Variants in NXPE3 observed in about 807,000 individuals in gnomAD.
NXPE3 encodes the protein NXPE family member 3.
Under a neutral mutation model 46.1 loss-of-function variants are expected in NXPE3, and 26 were observed. The ratio of observed to expected loss-of-function variants is 0.56; its 90% CI spans 0.41 to 0.78. The LOEUF is 0.78. Among genes scored for constraint, NXPE3 ranks in the 30% least tolerant of loss-of-function variants. NXPE3 has a pLI of 0.00. For missense variants in NXPE3, 620 were observed against 686.0 expected (o/e 0.90, Z 1.07); for synonymous variants, 272 against 257.9 (o/e 1.05, Z -0.52).
intron 6 of NXPE3, 142 bp downstream of exon 6, chr3:101,807,268 T>TA (rs1354476446): frequency 2.5e-5 from 16 of 629,084 alleles, no homozygotes; most frequent in Non-Finnish European, 3.7e-5. Flanking sequence ...ACTGTTTGAT[T>TA]AAAAAAATCA....
intron 5 of NXPE3, among the ~76,000 whole-genome samples, chr3:101,804,396 A>G (rs750487150): frequency 6.6e-6 from 1 of 152,220 alleles, no homozygotes; most frequent in Non-Finnish European, 1.5e-5. Context: ...TTGATGGTAC[A>G]TTGTTGTAGA....
Position 101,801,495 on chromosome 3 carries a change from G to A in NXPE3, c.354G>A (p.Lys118=), listed in dbSNP as rs751393607. The A allele has an allele frequency of 1.2e-6, 2 of 1,614,160 alleles. No individual in the cohort carries two copies. The highest frequency in any genetic ancestry group is 2.2e-5 in the East Asian group (1 of 44,876). The change falls in exon 5 of 8, where the codon AAG becomes AAA. Residue 118 remains lysine (K), a synonymous_variant. Coordinates refer to ENST00000273347, the MANE Select transcript of NXPE3 (RefSeq NM_145037.4). ...TCTTGAACTCTGCTGCCTTCTTTAA[G>A]GTGGGAAGCCAGCTTGAGGTGCTGG... The part of the protein sequence containing the change: ...FVILNSAAFF[K]VGSQLEVLVH...
rs1426408843 is a variant in NXPE3, at chr3:101,801,555, G to A, written c.414G>A (p.Lys138=). ...HVQDFQRKPK[K]YGGDYLQARI... ...AGGATTTTCAAAGAAAGCCCAAGAA[G>A]TATGGTGGAGACTACCTGCAGGCCA... Residue 138 remains lysine (K), a synonymous_variant, in exon 5 of 8, where the codon AAG becomes AAA. Coordinates refer to ENST00000273347, the MANE Select transcript of NXPE3 (RefSeq NM_145037.4). The A allele has an allele frequency of 1.2e-6, 2 of 1,614,236 alleles. No homozygotes were observed. The highest frequency in any genetic ancestry group is 1.7e-6 in the Non-Finnish European group (2 of 1,180,048).
Position 101,801,604 on chromosome 3 carries a change from G to A in NXPE3, c.463G>A (p.Ala155Thr), listed in dbSNP as rs1179748822. The change falls in exon 5 of 8, where the codon GCT (alanine) becomes ACT (threonine). Residue 155 changes from alanine to threonine, a missense_variant. Physicochemically the swap from Ala to Thr is moderately conservative, Grantham distance 58 (BLOSUM62 0). Around this residue, in one of 3 missense-constraint regions of NXPE3, gnomAD observed 511 missense variants for 528.6 expected, o/e 0.97. Coordinates refer to ENST00000273347, the MANE Select transcript of NXPE3 (RefSeq NM_145037.4). ...QARIHSLKLQ[A>T]GAVGRVVDYQ... ...CAGAATTCACTCCCTCAAGCTGCAG[G>A]CTGGGGCTGTGGGCAGGGTGGTGGA... The A allele has an allele frequency of 6.2e-7, 1 of 1,614,208 alleles. No homozygotes were observed.
At position 101,785,621 on chromosome 3, in the gene NXPE3, C is replaced by T. The variant is rs1167590131; in HGVS notation, c.25C>T (p.Arg9Trp). 3.1e-6 allele frequency: 5 copies of T among 1,614,048 alleles called. No individual in the cohort carries two copies. Among genetic ancestry groups the T allele is most frequent in the Non-Finnish European group, 3.4e-6 (4 of 1,179,970 alleles). The stretch of plus-strand genomic sequence containing the variant: ...AATGTGGACCAATTTCTTCAAACTA[C>T]GGCTTTTCTGCTGTCTGCTTGCAGT... Reference protein sequence around the residue: MWTNFFKLRLFCCLLAVLM... With the variant: MWTNFFKLWLFCCLLAVLM... Residue 9 changes from arginine (R) to tryptophan (W), a missense_variant, in exon 4 of 8, where the codon CGG becomes TGG. Transcript: ENST00000273347.
intron 4 of NXPE3, among the ~76,000 whole-genome samples, chr3:101,795,241 G>A (rs1940758420): frequency 6.6e-6 from 1 of 152,150 alleles, no homozygotes; most frequent in Non-Finnish European, 1.5e-5. Context: ...ACATAAGCTG[G>A]GCACAATGGC....
In NXPE3 at chr3:101,823,792, GAATT is replaced by G. The variant is rs1433698079; in HGVS notation, c.*1841_*1844del. Reference sequence around the variant, plus strand: ...AAAAAATTTTTGTTAAATAATAAAAGAATTAAGGCCAGGGATGTTGGCTCACATC... The same window carrying G: ...AAAAAATTTTTGTTAAATAATAAAAGAAGGCCAGGGATGTTGGCTCACATC... On this transcript the variant is annotated 3_prime_UTR_variant, in exon 8 of 8. Coordinates refer to ENST00000273347, the MANE Select transcript of NXPE3 (RefSeq NM_145037.4). 2 of 151,802 alleles carry G rather than the reference GAATT, an allele frequency of 1.3e-5. No homozygotes were observed. Among genetic ancestry groups the G allele is most frequent in the Non-Finnish European group, 2.9e-5 (2 of 67,964 alleles). The allele number at this position is 151,802 out of a possible 1,614,324, so 9.4% of individuals were successfully genotyped here.
At chr3:101,812,579 C>T (rs545257420) in intron 6 of NXPE3, among the ~76,000 whole-genome samples, 80 of 151,898 alleles carry the variant, frequency 5.3e-4, no homozygotes, top group African/African-American at 1.8e-3. Flanking sequence ...TTTGGGAGGC[C>T]GAGGCGGGTG....
chr3:101,786,464 C>A (rs1483020031), intron 4 of NXPE3, among the ~76,000 whole-genome samples: 1 of 152,186 alleles, frequency 6.6e-6, no homozygotes, highest in East Asian at 1.9e-4. Flanking sequence ...TTTAGCAGAA[C>A]ACCTAATCTC....
chr3:101,798,602 AT>A (rs1185080144), intron 4 of NXPE3, among the ~76,000 whole-genome samples: 7,678 of 141,616 alleles, frequency 0.054, 218 homozygotes, highest in Non-Finnish European at 0.079. Context: ...ATATATATAT[AT>A]TTTTTTTTTT....
intron 3 of NXPE3, among the ~76,000 whole-genome samples, chr3:101,783,132 G>A (rs1218454061): frequency 2.6e-5 from 4 of 151,982 alleles, no homozygotes; most frequent in Non-Finnish European, 5.9e-5. Flanking sequence ...CGTGATCTCC[G>A]CTCACTGCAA....
chr3:101,811,436 C>A (rs1463325355), intron 6 of NXPE3, among the ~76,000 whole-genome samples: 1 of 152,124 alleles, frequency 6.6e-6, no homozygotes, highest in African/African-American at 2.4e-5. Flanking sequence ...TCACAATAAC[C>A]CTTCAAAATA....
chr3:101,800,044 C>T (rs1941052388), intron 4 of NXPE3, among the ~76,000 whole-genome samples: 1 of 151,906 alleles, frequency 6.6e-6, no homozygotes, highest in Non-Finnish European at 1.5e-5. Flanking sequence ...TATTGATTTC[C>T]TGTTTTCAAG....
intron 4 of NXPE3, among the ~76,000 whole-genome samples, chr3:101,795,204 G>A (rs1376598333): frequency 6.6e-6 from 1 of 152,056 alleles, no homozygotes; most frequent in Non-Finnish European, 1.5e-5. Context: ...TTTCTAAAAC[G>A]CAGACTCAAT....
At chr3:101,787,016 A>T (rs1159589523) in intron 4 of NXPE3, among the ~76,000 whole-genome samples, 3 of 152,026 alleles carry the variant, frequency 2.0e-5, no homozygotes, top group African/African-American at 7.2e-5. Flanking sequence ...TGAGGTCAGG[A>T]GTTCAAGACC....
intron 7 of NXPE3, among the ~76,000 whole-genome samples, chr3:101,817,821 G>GT (rs767300678): frequency 7.2e-5 from 11 of 152,212 alleles, no homozygotes; most frequent in Non-Finnish European, 1.3e-4. Context: ...ATAAAGTAAA[G>GT]CCTGATGGTT....
chr3:101,826,656 C>T lies in NXPE3; in HGVS notation c.*4702C>T, dbSNP rs1482561285. The T allele has an allele frequency of 1.3e-5, 2 of 152,154 alleles. No individual in the cohort carries two copies. The highest frequency in any genetic ancestry group is 2.9e-5 in the Non-Finnish European group (2 of 68,030). 9.4% of individuals were successfully genotyped at this position (152,154 alleles called of 1,614,324 possible). ...TGGTTGAGGGCAGGAGTTTAAAGGACACAGAAGCTAGGAGAGCAGAAAATG... is the reference window on the plus strand; with the variant it reads ...TGGTTGAGGGCAGGAGTTTAAAGGATACAGAAGCTAGGAGAGCAGAAAATG... On this transcript the variant is annotated 3_prime_UTR_variant, in exon 8 of 8. Coordinates refer to ENST00000273347, the MANE Select transcript of NXPE3 (RefSeq NM_145037.4).
At chr3:101,817,940 G>A (rs568893171) in intron 7 of NXPE3, among the ~76,000 whole-genome samples, 64 of 152,104 alleles carry the variant, frequency 4.2e-4, no homozygotes, top group African/African-American at 1.5e-3. Flanking sequence ...ACCCAGGCTG[G>A]AGTGCAATGG....
intron 4 of NXPE3, among the ~76,000 whole-genome samples, chr3:101,788,455 T>G (rs1940317773): frequency 6.6e-6 from 1 of 152,236 alleles, no homozygotes; most frequent in Non-Finnish European, 1.5e-5. Context: ...ATCACCAAAT[T>G]CAATGTTGTA....
Sources: gnomAD v4.1 joint callset for allele counts (sites outside exome capture counted in the v4.1 genomes callset) on GRCh38, gnomAD v4.1.1 for gene constraint, gnomAD v4.1.1 regional missense constraint, MANE v1.5 for transcripts, NCBI Gene and HGNC (gene_info 2026-07-23, HGNC 2026-07-21) for gene names.